Variants in CARMIL1 observed in about 807,000 individuals in gnomAD.
CARMIL1 encodes the protein capping protein regulator and myosin 1 linker 1.
In CARMIL1, 90 loss-of-function variants were observed where a neutral mutation model predicts 177.1. The observed-to-expected ratio is 0.51, with a 90% CI of 0.43 to 0.61. The LOEUF is 0.61. Among genes scored for constraint, CARMIL1 ranks in the 20% least tolerant of loss-of-function variants. The pLI, the probability that CARMIL1 is intolerant of heterozygous loss-of-function variation, is 0.00. For missense variants in CARMIL1, 1,380 were observed against 1,667.0 expected, an observed-to-expected ratio of 0.83 and a Z score of 3.00; for synonymous variants, 577 against 606.2, an observed-to-expected ratio of 0.95 and a Z score of 0.71.
In CARMIL1 at chr6:25,302,945, T is replaced by C. The variant is rs369132324; in HGVS notation, c.138+18036T>C. Among the ~76,000 whole-genome samples the C allele has an allele frequency of 9.9e-5, 15 of 152,164 alleles. No individual in the cohort carries two copies. In the East Asian group the frequency reaches 1.7e-3, roughly 18 times the overall value. ...TCTCCCTGTGTGGTACTGAGTAGTG[T>C]TTGTACCACTGTCTCAGGAATGTGA... On this transcript the variant is annotated intron_variant, in intron 2 of 36. Coordinates refer to ENST00000329474, the MANE Select transcript of CARMIL1 (RefSeq NM_017640.6).
intron 24 of CARMIL1, among the ~76,000 whole-genome samples, chr6:25,529,286 C>A (rs978364541): frequency 6.6e-6 from 1 of 151,474 alleles, no homozygotes; most frequent in African/African-American, 2.4e-5. Context: ...ATGTCAGGTT[C>A]ATTAAAAAAA....
chr6:25,503,920 G>A (rs569207371), intron 17 of CARMIL1, among the ~76,000 whole-genome samples: 255 of 152,184 alleles, frequency 1.7e-3, no homozygotes, highest in African/African-American at 5.1e-3. Flanking sequence ...GTGGGTTGGC[G>A]GGGGTGGTGG....
At chr6:25,545,350 G>A (rs1254273039) in intron 26 of CARMIL1, among the ~76,000 whole-genome samples, 2 of 152,252 alleles carry the variant, frequency 1.3e-5, no homozygotes, top group South Asian at 2.1e-4. Flanking sequence ...AAACAGGTCC[G>A]TGAATAATGA....
chr6:25,323,725 A>C (rs1784859504), intron 2 of CARMIL1, among the ~76,000 whole-genome samples: 1 of 152,200 alleles, frequency 6.6e-6, no homozygotes, highest in South Asian at 2.1e-4. Context: ...AGCTTATTTT[A>C]TGGATAGTCA....
At position 25,604,846 on chromosome 6, in the gene CARMIL1, C is replaced by A; in HGVS notation, c.3587C>A (p.Ser1196Tyr). Residue 1196 changes from serine (S) to tyrosine (Y), a missense_variant, in exon 34 of 37, where the codon TCC becomes TAC. Transcript: ENST00000329474. ...LGNDAVSQDS[S>Y]SPALSGVERS... ...AATGATGCCGTATCCCAGGATTCTT[C>A]CAGCCCAGCTTTGAGCGGCGTAGAA... 1 of 1,597,662 alleles carries A rather than the reference C, an allele frequency of 6.3e-7. No individual in the cohort carries two copies. Among genetic ancestry groups the A allele is most frequent in the East Asian group, 2.3e-5 (1 of 44,376 alleles).
intron 11 of CARMIL1, among the ~76,000 whole-genome samples, chr6:25,477,509 C>A (rs1801684694): frequency 2.0e-5 from 3 of 152,130 alleles, no homozygotes; most frequent in Non-Finnish European, 4.4e-5. Context: ...TGTTGCCAGG[C>A]CATGCCTGTT....
At chr6:25,608,283 T>A (rs1408814541) in intron 35 of CARMIL1, among the ~76,000 whole-genome samples, 1 of 151,990 alleles carries the variant, frequency 6.6e-6, no homozygotes, top group Admixed American at 6.5e-5. Flanking sequence ...CACATTCAGA[T>A]AACTTTTATT....
intron 22 of CARMIL1, among the ~76,000 whole-genome samples, chr6:25,519,906 G>A (rs1806379831): frequency 6.6e-6 from 1 of 152,184 alleles, no homozygotes; most frequent in Admixed American, 6.5e-5. Flanking sequence ...AGTTGATGCT[G>A]GACTTTCCCT....
intron 2 of CARMIL1, among the ~76,000 whole-genome samples, chr6:25,402,738 G>A (rs1372529390): frequency 6.6e-6 from 1 of 152,154 alleles, no homozygotes; most frequent in Non-Finnish European, 1.5e-5. Flanking sequence ...GGTGGCTCCT[G>A]TATCTGAATG....
chr6:25,416,961 G>A (rs75587060), intron 2 of CARMIL1, among the ~76,000 whole-genome samples: 3,189 of 152,306 alleles, frequency 0.021, 108 homozygotes, highest in African/African-American at 0.069. Context: ...AGAGAGAAAT[G>A]TGTGTGCTGC....
intron 15 of CARMIL1, among the ~76,000 whole-genome samples, chr6:25,494,040 C>A (rs1174168708): frequency 6.6e-6 from 1 of 150,704 alleles, no homozygotes; most frequent in African/African-American, 2.4e-5. Flanking sequence ...TAAAAAAAAA[C>A]CTGTCAAATA....
At chr6:25,567,072 A>G (rs1208208688) in intron 29 of CARMIL1, among the ~76,000 whole-genome samples, 3 of 152,216 alleles carry the variant, frequency 2.0e-5, no homozygotes, top group Non-Finnish European at 4.4e-5. Context: ...GAAGTCAGGG[A>G]TGTTAACACA....
chr6:25,351,510 C>A (rs553536913), intron 2 of CARMIL1, among the ~76,000 whole-genome samples: 4 of 152,186 alleles, frequency 2.6e-5, no homozygotes, highest in Non-Finnish European at 4.4e-5. Context: ...GACTGAAAAT[C>A]GTAAATTGTT....
chr6:25,518,703 G>A (rs1190098701), intron 22 of CARMIL1, among the ~76,000 whole-genome samples: 1 of 152,202 alleles, frequency 6.6e-6, no homozygotes, highest in Non-Finnish European at 1.5e-5. Context: ...TTTGGAAGAA[G>A]CCAGGAGCAT....
chr6:25,547,050 T>A (rs1682196771), intron 26 of CARMIL1, among the ~76,000 whole-genome samples: 1 of 151,942 alleles, frequency 6.6e-6, no homozygotes, highest in South Asian at 2.1e-4. Flanking sequence ...AGAGCGAGAC[T>A]CCATCTCAGA....
intron 2 of CARMIL1, among the ~76,000 whole-genome samples, chr6:25,330,287 C>G (rs751711676): frequency 1.4e-4 from 21 of 152,120 alleles, no homozygotes; most frequent in African/African-American, 5.1e-4. Flanking sequence ...CCTTAAGGCC[C>G]GGATGAGCTG....
chr6:25,429,894 G>A (rs1796594831), intron 4 of CARMIL1, among the ~76,000 whole-genome samples: 1 of 151,684 alleles, frequency 6.6e-6, no homozygotes, highest in Admixed American at 6.6e-5. Flanking sequence ...TCACCAGGCT[G>A]GAGTGCAGTG....
At chr6:25,311,059 G>A in intron 2 of CARMIL1, among the ~76,000 whole-genome samples, 1 of 141,816 alleles carries the variant, frequency 7.1e-6, no homozygotes, top group South Asian at 2.4e-4. Context: ...GTGGGCGCCT[G>A]TAATACCAGC....
chr6:25,319,640 T>C (rs1173077899), intron 2 of CARMIL1, among the ~76,000 whole-genome samples: 1 of 152,032 alleles, frequency 6.6e-6, no homozygotes, highest in Non-Finnish European at 1.5e-5. Flanking sequence ...CTGGGGCCCA[T>C]AGCTTTTATT....
Sources: allele counts gnomAD v4.1 joint callset (sites outside exome capture counted in the v4.1 genomes callset), GRCh38; gene constraint gnomAD v4.1.1; transcripts MANE v1.5; gene names NCBI Gene and HGNC (gene_info 2026-07-23, HGNC 2026-07-21).